DPP10: variants seen among roughly 807,000 people sequenced by gnomAD.
DPP10 encodes the protein inactive dipeptidyl peptidase 10.
In DPP10, 33 loss-of-function variants were observed where a neutral mutation model predicts 120.9. That is an observed-to-expected ratio of 0.27 (90% CI 0.21 to 0.37). The LOEUF (loss-of-function observed/expected upper bound fraction) is 0.37, where lower values mean the gene tolerates loss of function less well. Ranked by LOEUF, DPP10 falls within the 10% of genes least tolerant of loss-of-function variation. The pLI is 1.00. For synonymous variants in DPP10, 337 were observed against 326.1 expected, an observed-to-expected ratio of 1.03 and a Z score of -0.36; for missense variants, 816 against 942.8, an observed-to-expected ratio of 0.87 and a Z score of 1.76.
intron 2 of DPP10, among the ~76,000 whole-genome samples, chr2:115,340,370 T>C (rs1015231555): frequency 2.0e-5 from 3 of 152,142 alleles, no homozygotes; most frequent in African/African-American, 7.2e-5. Flanking sequence ...AGGACTTATA[T>C]AAAAAATCAA....
At chr2:114,705,437 A>G (rs1249580615) in intron 1 of DPP10, among the ~76,000 whole-genome samples, 9 of 152,262 alleles carry the variant, frequency 5.9e-5, no homozygotes, top group African/African-American at 1.9e-4. Flanking sequence ...TTATGTATAT[A>G]TACATAAGAA....
intron 1 of DPP10, among the ~76,000 whole-genome samples, chr2:114,515,054 T>A (rs1240344492): frequency 1.3e-5 from 2 of 152,174 alleles, no homozygotes; most frequent in Non-Finnish European, 2.9e-5. Flanking sequence ...CCTCTTCAAA[T>A]AACAGATCTT....
rs754446926 is a variant in DPP10 at position 115,842,375 on chromosome 2, A to C, written c.*30A>C. 5.0e-5 allele frequency: 80 copies of C among 1,593,214 alleles called. No individual in the cohort carries two copies. Among genetic ancestry groups the C allele is most frequent in the Non-Finnish European group, 6.6e-5 (77 of 1,166,250 alleles). On this transcript the variant is annotated 3_prime_UTR_variant, in exon 26 of 26. Coordinates refer to ENST00000410059, the MANE Select transcript of DPP10 (RefSeq NM_020868.6). ...CTGTATTTATACAGAACTGAAGGGA[A>C]TATTGAGGCTCAATGAAACCTGACA... is the stretch of plus-strand genomic sequence containing the variant.
chr2:115,635,822 A>G (rs138977448), intron 5 of DPP10, among the ~76,000 whole-genome samples: 159 of 152,334 alleles, frequency 1.0e-3, no homozygotes, highest in African/African-American at 3.6e-3. Flanking sequence ...ATGATAGACT[A>G]GAAAACTCTT....
At chr2:114,852,994 A>T (rs368335329) in intron 1 of DPP10, among the ~76,000 whole-genome samples, 1 of 152,324 alleles carries the variant, frequency 6.6e-6, no homozygotes, top group East Asian at 1.9e-4. Context: ...TGATCAGATG[A>T]CCTTGTGCTG....
intron 1 of DPP10, among the ~76,000 whole-genome samples, chr2:114,737,016 C>T (rs1442997079): frequency 1.3e-5 from 2 of 152,044 alleles, no homozygotes; most frequent in South Asian, 2.1e-4. Context: ...TTGCCATCTA[C>T]GGTATTATCC....
chr2:115,660,821 A>T (rs1468118328), intron 5 of DPP10, among the ~76,000 whole-genome samples: 1 of 151,988 alleles, frequency 6.6e-6, no homozygotes, highest in African/African-American at 2.4e-5. Flanking sequence ...TTTGTGCCAC[A>T]TTTAGAGACC....
chr2:114,734,592 T>C lies in DPP10; in HGVS notation c.60+291754T>C, dbSNP rs59720743. 8.6e-3 allele frequency among the ~76,000 whole-genome samples: 1,303 copies of C among 152,318 alleles called. 20 individuals are homozygous for C. The highest frequency in any genetic ancestry group is 0.03 in the African/African-American group (1,240 of 41,574). On this transcript the variant is annotated intron_variant, in intron 1 of 25. Coordinates refer to ENST00000410059, the MANE Select transcript of DPP10 (RefSeq NM_020868.6). ...GTGCTCTGACCACCTTGGACACATG[T>C]TCTTAGGACTCCCCTAGGGCTGTGT... is the stretch of plus-strand genomic sequence containing the variant.
chr2:115,422,951 A>G (rs921692818), intron 3 of DPP10, among the ~76,000 whole-genome samples: 3 of 152,086 alleles, frequency 2.0e-5, no homozygotes, highest in Non-Finnish European at 2.9e-5. Flanking sequence ...CATAGTCTTG[A>G]ATTATCTTAG....
At chr2:115,762,803 T>A (rs1680275577) in intron 12 of DPP10, among the ~76,000 whole-genome samples, 193 bp downstream of exon 12, 1 of 152,296 alleles carries the variant, frequency 6.6e-6, no homozygotes, top group East Asian at 1.9e-4. Context: ...TTACTTCCAT[T>A]TTTTTAGGAG....
At chr2:115,248,098 T>C (rs1419320054) in intron 1 of DPP10, among the ~76,000 whole-genome samples, 1 of 152,180 alleles carries the variant, frequency 6.6e-6, no homozygotes, top group African/African-American at 2.4e-5. Context: ...GGTACTGATG[T>C]CATCTCCATT....
At chr2:114,981,187 C>T (rs1207521800) in intron 1 of DPP10, among the ~76,000 whole-genome samples, 1 of 152,086 alleles carries the variant, frequency 6.6e-6, no homozygotes, top group East Asian at 1.9e-4. Context: ...CCTGAAAAGA[C>T]TTTCAGCTGG....
chr2:114,506,896 A>G (rs1683711486), intron 1 of DPP10, among the ~76,000 whole-genome samples: 1 of 152,202 alleles, frequency 6.6e-6, no homozygotes, highest in Non-Finnish European at 1.5e-5. Context: ...AGTGCCTTCA[A>G]GCACGGTGAC....
At chr2:115,106,078 T>A (rs2048931962) in intron 1 of DPP10, among the ~76,000 whole-genome samples, 1 of 152,230 alleles carries the variant, frequency 6.6e-6, no homozygotes, top group Admixed American at 6.5e-5. Flanking sequence ...AGAATTTCCA[T>A]CACCTAAAAC....
intron 1 of DPP10, among the ~76,000 whole-genome samples, 196 bp from the exon 2 acceptor site, chr2:115,309,039 CACAG>C (rs760521823): frequency 4.6e-4 from 70 of 152,140 alleles, no homozygotes; most frequent in Non-Finnish European, 6.9e-4. Flanking sequence ...TGGTTTATCT[CACAG>C]AGAGAGCAGA....
At chr2:114,612,766 G>A (rs887773997) in intron 1 of DPP10, among the ~76,000 whole-genome samples, 3 of 152,148 alleles carry the variant, frequency 2.0e-5, no homozygotes, top group African/African-American at 7.2e-5. Context: ...GGCATTGACT[G>A]AGCCTCCAAG....
intron 1 of DPP10, among the ~76,000 whole-genome samples, chr2:115,302,107 G>A (rs1441282898): frequency 6.6e-6 from 1 of 151,964 alleles, no homozygotes. Flanking sequence ...TACCATGGCG[G>A]AGCAGGAGAG....
intron 1 of DPP10, among the ~76,000 whole-genome samples, chr2:114,903,338 A>G (rs558117310): frequency 6.6e-6 from 1 of 152,360 alleles, no homozygotes; most frequent in South Asian, 2.1e-4. Flanking sequence ...AAATGTATGT[A>G]TAAGCCTTGG....
intron 7 of DPP10, among the ~76,000 whole-genome samples, chr2:115,691,925 T>C (rs62155263): frequency 0.077 from 11,769 of 152,184 alleles, 644 homozygotes; most frequent in Non-Finnish European, 0.11. Flanking sequence ...ATTTTAAAAA[T>C]GTTTGCTACT....
Sources: gnomAD v4.1 joint callset for allele counts (sites outside exome capture counted in the v4.1 genomes callset) on GRCh38, gnomAD v4.1.1 for gene constraint, MANE v1.5 for transcripts, NCBI Gene and HGNC (gene_info 2026-07-23, HGNC 2026-07-21) for gene names.